Variants in PHACTR1 observed in about 807,000 individuals in gnomAD.
PHACTR1 encodes RPEL repeat containing 1.
In PHACTR1, 16 loss-of-function variants were observed where a neutral mutation model predicts 69.2. That is an observed-to-expected ratio of 0.23 (90% CI 0.16 to 0.35). The LOEUF is 0.35. PHACTR1 is among the 10% of genes least tolerant of loss of function. PHACTR1 has a pLI of 1.00. For missense variants in PHACTR1, 510 were observed against 734.7 expected, an observed-to-expected ratio of 0.69 and a Z score of 3.54; for synonymous variants, 312 against 284.5, an observed-to-expected ratio of 1.10 and a Z score of -0.97.
At chr6:13,058,220 C>T (rs943980453) in intron 5 of PHACTR1, among the ~76,000 whole-genome samples, 3 of 152,154 alleles carry the variant, frequency 2.0e-5, no homozygotes, top group Non-Finnish European at 2.9e-5. Context: ...CTGCAGCGAT[C>T]TTATCCAAAT....
chr6:12,918,479 T>G (rs1787263208), intron 4 of PHACTR1, among the ~76,000 whole-genome samples: 1 of 152,260 alleles, frequency 6.6e-6, no homozygotes, highest in Admixed American at 6.5e-5. Context: ...AGCGCATTTA[T>G]AATCGTGTTT....
intron 4 of PHACTR1, among the ~76,000 whole-genome samples, chr6:12,825,391 C>T (rs1776687480): frequency 6.6e-6 from 1 of 151,408 alleles, no homozygotes; most frequent in South Asian, 2.1e-4. Context: ...CTTACTATTT[C>T]TTTTATTTTT....
rs1395493605 is a variant in PHACTR1, at chr6:13,064,610, A to ATATC, written c.415+11090_415+11093dup. On this transcript the variant is annotated intron_variant, in intron 5 of 14. Coordinates refer to ENST00000332995, the MANE Select transcript of PHACTR1 (RefSeq NM_030948.6). ...TATATATATATATATATATATCTAT[A>ATATC]TATCTATCTATCCACACTTGCCAGA... Among the ~76,000 whole-genome samples, 16 of 9,268 alleles carry ATATC rather than the reference A, an allele frequency of 1.7e-3. 4 individuals carry two copies. Among genetic ancestry groups the ATATC allele is most frequent in the Non-Finnish European group, 2.4e-3 (13 of 5,370 alleles). 6.1% of individuals were successfully genotyped at this position (9,268 alleles called of 152,430 possible).
At chr6:13,284,533 AAAAAAAAAAAATATATAT>A (rs1435931743) in intron 13 of PHACTR1, among the ~76,000 whole-genome samples, 2 of 107,830 alleles carry the variant, frequency 1.9e-5, no homozygotes, top group Non-Finnish European at 3.4e-5. Context: ...AAAAAAAAAA[AAAAAAAAAAAATATATAT>A]ATATATATAT....
chr6:13,135,958 C>T (rs1173742899), intron 5 of PHACTR1, among the ~76,000 whole-genome samples: 3 of 151,924 alleles, frequency 2.0e-5, no homozygotes, highest in Non-Finnish European at 4.4e-5. Context: ...AAAAAAAAGT[C>T]ACCCTGTTCA....
intron 4 of PHACTR1, among the ~76,000 whole-genome samples, chr6:12,838,913 T>A (rs1778429411): frequency 6.6e-6 from 1 of 152,114 alleles, no homozygotes; most frequent in South Asian, 2.1e-4. Flanking sequence ...AATGTTGGGG[T>A]CTTTAAATTA....
chr6:12,967,390 A>G (rs768195699), intron 4 of PHACTR1, among the ~76,000 whole-genome samples: 1 of 152,228 alleles, frequency 6.6e-6, no homozygotes, highest in Non-Finnish European at 1.5e-5. Context: ...AAGAAAAGTA[A>G]GCTTGAATCT....
intron 4 of PHACTR1, among the ~76,000 whole-genome samples, chr6:12,855,669 G>A (rs147577442): frequency 3.3e-5 from 5 of 152,182 alleles, no homozygotes; most frequent in Non-Finnish European, 7.4e-5. Flanking sequence ...GGGAGGTAGT[G>A]GCTGAAAATC....
rs1043465230 is a variant in PHACTR1 at position 13,157,974 on chromosome 6, C to T, written c.416-2230C>T. 3.5e-4 allele frequency among the ~76,000 whole-genome samples: 53 copies of T among 152,124 alleles called. 1 individual carries two copies. The highest frequency in any genetic ancestry group is 1.9e-4 in the Non-Finnish European group (13 of 67,984). On this transcript the variant is annotated intron_variant, in intron 5 of 14. Transcript: ENST00000332995. ...CTCGCTCACTGCAACCTCTGCCTCC[C>T]GGGTTCAAGCAATCCTCCTGTCTCA...
chr6:13,276,794 AT>A (rs1562110972), intron 11 of PHACTR1, among the ~76,000 whole-genome samples: 1 of 152,106 alleles, frequency 6.6e-6, no homozygotes, highest in Non-Finnish European at 1.5e-5. Flanking sequence ...AATTAAAAAA[AT>A]TTAAAAAATA....
chr6:13,073,603 A>G (rs543153284), intron 5 of PHACTR1, among the ~76,000 whole-genome samples: 23 of 151,988 alleles, frequency 1.5e-4, no homozygotes, highest in Non-Finnish European at 2.5e-4. Flanking sequence ...CAGCCTCCCG[A>G]AGTTCTGGGA....
chr6:12,932,942 T>C (rs1789028735), intron 4 of PHACTR1, among the ~76,000 whole-genome samples: 1 of 150,918 alleles, frequency 6.6e-6, no homozygotes, highest in Admixed American at 6.6e-5. Flanking sequence ...ATCTTTTTTT[T>C]TTTTTTTTTT....
At chr6:12,920,877 T>C (rs1787570518) in intron 4 of PHACTR1, among the ~76,000 whole-genome samples, 2 of 152,358 alleles carry the variant, frequency 1.3e-5, no homozygotes, top group Admixed American at 6.5e-5. Flanking sequence ...CTGCTACCAC[T>C]TTTGAGTGAT....
intron 10 of PHACTR1, among the ~76,000 whole-genome samples, chr6:13,260,891 G>T (rs1775816875): frequency 6.6e-6 from 1 of 152,332 alleles, no homozygotes; most frequent in Non-Finnish European, 1.5e-5. Context: ...ACCTTATCAA[G>T]AATTGATTCA....
intron 4 of PHACTR1, among the ~76,000 whole-genome samples, chr6:12,960,434 T>C (rs1341252606): frequency 2.0e-5 from 3 of 152,220 alleles, no homozygotes; most frequent in Non-Finnish European, 4.4e-5. Flanking sequence ...CAATAACACT[T>C]GTATTTCTCT....
At chr6:13,079,421 T>C (rs1811032845) in intron 5 of PHACTR1, among the ~76,000 whole-genome samples, 1 of 152,156 alleles carries the variant, frequency 6.6e-6, no homozygotes, top group African/African-American at 2.4e-5. Context: ...AGCTTGAGGC[T>C]GATAGCTTAA....
At chr6:13,103,115 T>A (rs1815457572) in intron 5 of PHACTR1, among the ~76,000 whole-genome samples, 1 of 152,208 alleles carries the variant, frequency 6.6e-6, no homozygotes, top group African/African-American at 2.4e-5. Flanking sequence ...TTCCACCTAT[T>A]AAGGTTTGTC....
chr6:12,735,547 A>G (rs1158936427), intron 3 of PHACTR1, among the ~76,000 whole-genome samples: 1 of 152,242 alleles, frequency 6.6e-6, no homozygotes, highest in East Asian at 1.9e-4. Flanking sequence ...GTCTCACATC[A>G]TCAAGTGGTT....
chr6:12,908,705 A>G (rs1786030015), intron 4 of PHACTR1, among the ~76,000 whole-genome samples: 1 of 152,144 alleles, frequency 6.6e-6, no homozygotes. Context: ...GAGGGAGCAC[A>G]GGCACATGCA....
Sources: allele counts gnomAD v4.1 joint callset (sites outside exome capture counted in the v4.1 genomes callset), GRCh38; gene constraint gnomAD v4.1.1; transcripts MANE v1.5; gene names NCBI Gene and HGNC (gene_info 2026-07-23, HGNC 2026-07-21).